The following GALNT10 variants were observed in gnomAD, a reference collection of about 807,000 sequenced individuals.
GALNT10 encodes the protein polypeptide N-acetylgalactosaminyltransferase 10.
GALNT10 carries 41 observed loss-of-function variants against 75.0 expected under a neutral mutation model. The observed-to-expected ratio is 0.55, with a 90% CI of 0.43 to 0.71. GALNT10 has a LOEUF of 0.71. Among genes scored for constraint, GALNT10 ranks in the 30% least tolerant of loss-of-function variants. GALNT10 has a pLI of 0.00. For synonymous variants in GALNT10, 302 were observed against 313.0 expected, an observed-to-expected ratio of 0.96 and a Z score of 0.37; for missense variants, 727 against 818.5, an observed-to-expected ratio of 0.89 and a Z score of 1.36.
chr5:154,380,730 C>CAG (rs1439442496), intron 6 of GALNT10, 99 bp downstream of exon 6: 1 of 753,298 alleles, frequency 1.3e-6, no homozygotes. Flanking sequence ...AAGCCCAATG[C>CAG]AGAGGGTCCA....
intron 4 of GALNT10, among the ~76,000 whole-genome samples, chr5:154,344,453 G>T (rs898847018): frequency 1.3e-5 from 2 of 151,922 alleles, no homozygotes; most frequent in African/African-American, 4.8e-5. Context: ...CTTGTGATCC[G>T]CCCACCTTGG....
At chr5:154,318,770 C>T (rs1366668233) in intron 3 of GALNT10, among the ~76,000 whole-genome samples, 1 of 152,210 alleles carries the variant, frequency 6.6e-6, no homozygotes, top group Non-Finnish European at 1.5e-5. Flanking sequence ...TATTGGTGGA[C>T]ATTCACTGTT....
At chr5:154,254,025 A>T (rs1379261597) in intron 1 of GALNT10, among the ~76,000 whole-genome samples, 1 of 152,096 alleles carries the variant, frequency 6.6e-6, no homozygotes, top group Non-Finnish European at 1.5e-5. Flanking sequence ...TTTTGACTGC[A>T]GTTCTTACCT....
chr5:154,280,720 A>T (rs896675936), intron 1 of GALNT10, among the ~76,000 whole-genome samples: 4 of 152,214 alleles, frequency 2.6e-5, no homozygotes, highest in East Asian at 3.9e-4. Flanking sequence ...AGTCACTAAG[A>T]TTTTCTCACA....
chr5:154,416,003 T>C lies in GALNT10; in HGVS notation c.1653+71T>C. On this transcript the variant is annotated intron_variant, in intron 11 of 11. Transcript: ENST00000297107. The surrounding 1 kb of genome is among the most constrained non-coding windows in gnomAD (Gnocchi z 4.5). Reference sequence around the variant, plus strand: ...TTAAGGCAATACAGTGCTTCACCCCTTCTTTCAACAGAGCCCATCCACTTA... The same window carrying C: ...TTAAGGCAATACAGTGCTTCACCCCCTCTTTCAACAGAGCCCATCCACTTA... The C allele has an allele frequency of 7.2e-7, 1 of 1,388,974 alleles. No homozygotes were observed. The highest frequency in any genetic ancestry group is 1.3e-5 in the South Asian group (1 of 79,532). 86.0% of individuals were successfully genotyped at this position (1,388,974 alleles called of 1,614,324 possible). A position where few individuals can be genotyped will look rare whatever the true frequency, so the allele number is the denominator to read the frequency against.
chr5:154,307,611 CT>C (rs1754453490), intron 3 of GALNT10, among the ~76,000 whole-genome samples: 1 of 141,514 alleles, frequency 7.1e-6, no homozygotes, highest in Non-Finnish European at 1.5e-5. Flanking sequence ...CAGAGTGAGA[CT>C]CCATCTCAAG....
rs780929086 is a variant in GALNT10, at chr5:154,416,963, T to C, written c.1803T>C (p.Asn601=). The part of the protein sequence containing the change: ...HTNSTVLEKF[N]RN ...ACTCAACAGTCTTGGAAAAATTCAA[T>C]AGGAACTGAGCCCTCATGTCCCCTT... The change falls in exon 12 of 12, where the codon AAT becomes AAC. Residue 601 remains asparagine, a synonymous_variant. Coordinates refer to ENST00000297107, the MANE Select transcript of GALNT10 (RefSeq NM_198321.4). The surrounding 1 kb of genome is among the most constrained non-coding windows in gnomAD (Gnocchi z 4.5). 24 of 1,613,964 alleles carry C rather than the reference T, an allele frequency of 1.5e-5. No individual in the cohort carries two copies. In the Admixed American group the frequency reaches 2.7e-4, roughly 18 times the overall value.
intron 1 of GALNT10, among the ~76,000 whole-genome samples, chr5:154,248,341 G>A (rs944306555): frequency 8.5e-5 from 13 of 152,160 alleles, no homozygotes; most frequent in Non-Finnish European, 1.3e-4. Flanking sequence ...GAGTTAGGGA[G>A]GATTCCCTCT....
intron 4 of GALNT10, among the ~76,000 whole-genome samples, chr5:154,360,980 C>T (rs2113155154): frequency 6.6e-6 from 1 of 152,176 alleles, no homozygotes; most frequent in Non-Finnish European, 1.5e-5. Context: ...AGAAATGCAC[C>T]CTTTTAATTG....
chr5:154,318,625 T>C (rs1754632329), intron 3 of GALNT10, among the ~76,000 whole-genome samples: 1 of 152,372 alleles, frequency 6.6e-6, no homozygotes, highest in East Asian at 1.9e-4. Flanking sequence ...ATTAAGTGCC[T>C]ACAGCACTGT....
At chr5:154,237,521 T>C (rs1333003991) in intron 1 of GALNT10, among the ~76,000 whole-genome samples, 1 of 152,204 alleles carries the variant, frequency 6.6e-6, no homozygotes, top group Non-Finnish European at 1.5e-5. Context: ...AAGTCCTGAC[T>C]CGGCTATCTC....
intron 1 of GALNT10, among the ~76,000 whole-genome samples, chr5:154,258,967 T>A (rs890141326): frequency 1.3e-5 from 2 of 152,196 alleles, no homozygotes; most frequent in African/African-American, 4.8e-5. Context: ...GCAAAAATAA[T>A]TCTTTGTACC....
In GALNT10 at chr5:154,197,242, C is replaced by T. The variant is rs190044633; in HGVS notation, c.159+6217C>T. On this transcript the variant is annotated intron_variant, in intron 1 of 11. Transcript: ENST00000297107. ...CCGTTCTGCCGCTGCCTTCCTTTCC[C>T]CTCACAGACGTCCCGAGAACTGTCT... is the stretch of plus-strand genomic sequence containing the variant. Among the ~76,000 whole-genome samples, 314 of 152,298 alleles carry T rather than the reference C, an allele frequency of 2.1e-3. 1 individual carries two copies. The highest frequency in any genetic ancestry group is 7.7e-3 in the Admixed American group (118 of 15,300).
chr5:154,386,406 G>T lies in GALNT10; in HGVS notation c.1032G>T (p.Gly344=), dbSNP rs758618863. The change falls in exon 7 of 12, where the codon GGG becomes GGT. Residue 344 remains glycine, a synonymous_variant. Transcript: ENST00000297107. ...ACCCAGGCTTGGAGATCTGGGGAGG[G>T]GAGCAGTATGAAATCTCCTTCAAGG... The part of the protein sequence containing the change: ...GYDPGLEIWG[G]EQYEISFKVW... The T allele has an allele frequency of 3.7e-6, 6 of 1,611,980 alleles. No homozygotes were observed. In the African/African-American group the frequency reaches 5.3e-5, roughly 14 times the overall value.
At chr5:154,319,040 C>T (rs1014211709) in intron 3 of GALNT10, among the ~76,000 whole-genome samples, 1 of 152,232 alleles carries the variant, frequency 6.6e-6, no homozygotes, top group South Asian at 2.1e-4. Flanking sequence ...AAGAGGGCCT[C>T]AACATTGAGG....
At chr5:154,290,893 A>G (rs1754185433) in intron 1 of GALNT10, among the ~76,000 whole-genome samples, 1 of 151,886 alleles carries the variant, frequency 6.6e-6, no homozygotes, top group African/African-American at 2.4e-5. Flanking sequence ...CTGAGCAGCT[A>G]TTTAGCTCAG....
rs778922361 is a variant in GALNT10 at position 154,402,481 on chromosome 5, C to T, written c.1057-1623C>T. On this transcript the variant is annotated intron_variant, in intron 7 of 11. Coordinates refer to ENST00000297107, the MANE Select transcript of GALNT10 (RefSeq NM_198321.4). This position sits in a 1 kb window ranked among gnomAD's most constrained non-coding sequence, Gnocchi z 4.2. ...CTATGCAATGGCCCTGCTCTGCCAT[C>T]GCCACCTGAAACCATCTCCCATGTT... is the stretch of plus-strand genomic sequence containing the variant. Among the ~76,000 whole-genome samples the T allele has an allele frequency of 2.0e-4, 31 of 152,352 alleles. No homozygotes were observed. The highest frequency in any genetic ancestry group is 3.4e-3 in the Middle Eastern group (1 of 294).
rs551533852 is a variant in GALNT10 at position 154,352,039 on chromosome 5, C to T, written c.568+22301C>T. On this transcript the variant is annotated intron_variant, in intron 4 of 11. Transcript: ENST00000297107. This position sits in a 1 kb window ranked among gnomAD's most constrained non-coding sequence, Gnocchi z 4.4. The stretch of plus-strand genomic sequence containing the variant: ...AATGAGAATCAGAAAGGCTGTGTGC[C>T]GTGTACAGGGATGCACAGCCAGTTG... 7.9e-5 allele frequency among the ~76,000 whole-genome samples: 12 copies of T among 152,312 alleles called. No individual in the cohort carries two copies. The South Asian group carries it at 2.3e-3, about 29-fold the overall frequency.
chr5:154,325,341 C>A (rs775966857), intron 3 of GALNT10, among the ~76,000 whole-genome samples: 4 of 151,876 alleles, frequency 2.6e-5, no homozygotes, highest in Non-Finnish European at 4.4e-5. Context: ...TAGAAAAAAG[C>A]AAATAAGTAG....
Sources: allele counts gnomAD v4.1 joint callset (sites outside exome capture counted in the v4.1 genomes callset), GRCh38; gene constraint gnomAD v4.1.1; non-coding constraint Gnocchi (gnomAD v3.1); transcripts MANE v1.5; gene names NCBI Gene and HGNC (gene_info 2026-07-23, HGNC 2026-07-21).